Variants in DLGAP1 observed in about 807,000 individuals in gnomAD.
The protein encoded by DLGAP1 is DLG associated protein 1.
DLGAP1 carries 11 observed loss-of-function variants against 90.8 expected under a neutral mutation model. The ratio of observed to expected loss-of-function variants is 0.12; its 90% CI spans 0.08 to 0.20. DLGAP1 has a LOEUF of 0.20. Ranked by LOEUF, DLGAP1 falls within the 10% of genes least tolerant of loss-of-function variation. The probability of loss-of-function intolerance (pLI) is 1.00; values close to 1 mark genes in which losing one functional copy is unlikely to be tolerated. For missense variants in DLGAP1, 1,050 were observed against 1,333.8 expected, an observed-to-expected ratio of 0.79 and a Z score of 3.31; for synonymous variants, 558 against 540.7, an observed-to-expected ratio of 1.03 and a Z score of -0.44.
chr18:4,243,566 T>C (rs894115416), intron 1 of DLGAP1, among the ~76,000 whole-genome samples: 1 of 152,222 alleles, frequency 6.6e-6, no homozygotes, highest in African/African-American at 2.4e-5. Flanking sequence ...GTTAGAGATT[T>C]CAGTAACTAA....
At chr18:3,570,375 T>C (rs2054702059) in intron 8 of DLGAP1, among the ~76,000 whole-genome samples, 1 of 151,154 alleles carries the variant, frequency 6.6e-6, no homozygotes, top group African/African-American at 2.4e-5. Context: ...ACCTCCCGGG[T>C]TCAAGTGATT....
At chr18:4,423,341 G>C (rs2083082894) in intron 1 of DLGAP1, among the ~76,000 whole-genome samples, 1 of 152,134 alleles carries the variant, frequency 6.6e-6, no homozygotes, top group African/African-American at 2.4e-5. Flanking sequence ...ATTAAGGTGA[G>C]AAATGGCACA....
chr18:4,301,391 C>T (rs1305456736), intron 1 of DLGAP1, among the ~76,000 whole-genome samples: 4 of 152,186 alleles, frequency 2.6e-5, no homozygotes, highest in Admixed American at 1.3e-4. Context: ...TAGTATTTGT[C>T]TTCCTGTTTC....
chr18:4,369,536 T>C (rs980323373), intron 1 of DLGAP1, among the ~76,000 whole-genome samples: 16 of 152,126 alleles, frequency 1.1e-4, no homozygotes, highest in Non-Finnish European at 2.9e-5. Context: ...CTAAGGACCT[T>C]GTCTTATTCT....
At chr18:4,082,847 G>A (rs370204641) in intron 2 of DLGAP1, among the ~76,000 whole-genome samples, 1 of 151,922 alleles carries the variant, frequency 6.6e-6, no homozygotes, top group Non-Finnish European at 1.5e-5. Flanking sequence ...TTGACGTGCC[G>A]CTGCTCAGTC....
chr18:4,319,345 C>T (rs1014094211), intron 1 of DLGAP1, among the ~76,000 whole-genome samples: 1 of 152,106 alleles, frequency 6.6e-6, no homozygotes, highest in East Asian at 1.9e-4. Flanking sequence ...AAATTATTTT[C>T]TTCTGTATAT....
intron 1 of DLGAP1, among the ~76,000 whole-genome samples, chr18:4,374,773 C>A (rs776815501): frequency 4.0e-5 from 6 of 151,812 alleles, no homozygotes; most frequent in Non-Finnish European, 5.9e-5. Flanking sequence ...CGTGGTGTGA[C>A]AAATAGTTAA....
intron 1 of DLGAP1, among the ~76,000 whole-genome samples, chr18:4,395,606 T>C (rs1389689359): frequency 6.6e-6 from 1 of 152,174 alleles, no homozygotes; most frequent in Non-Finnish European, 1.5e-5. Context: ...GAAGGAAAGA[T>C]GAAATGGTGT....
intron 1 of DLGAP1, among the ~76,000 whole-genome samples, chr18:4,205,503 CTCTTTT>C (rs2077703317): frequency 1.3e-5 from 2 of 152,180 alleles, no homozygotes; most frequent in East Asian, 3.8e-4. Flanking sequence ...TCTTTCCTTT[CTCTTTT>C]TGAGACAGGG....
At chr18:4,151,993 A>T (rs1389807827) in intron 1 of DLGAP1, among the ~76,000 whole-genome samples, 1 of 152,198 alleles carries the variant, frequency 6.6e-6, no homozygotes, top group Non-Finnish European at 1.5e-5. Flanking sequence ...AATATTAAAA[A>T]AATAGTTTCT....
intron 1 of DLGAP1, among the ~76,000 whole-genome samples, chr18:4,333,723 C>A (rs2081003297): frequency 6.7e-6 from 1 of 150,174 alleles, no homozygotes. Context: ...GGGTTCACAC[C>A]ATTCTCCTGC....
chr18:4,433,173 A>G (rs1020406266), intron 1 of DLGAP1, among the ~76,000 whole-genome samples: 1 of 152,224 alleles, frequency 6.6e-6, no homozygotes, highest in Non-Finnish European at 1.5e-5. Flanking sequence ...CTAGAAGCCT[A>G]TTCCTAATCA....
At chr18:3,992,533 C>A (rs1188621055) in intron 3 of DLGAP1, among the ~76,000 whole-genome samples, 1 of 152,174 alleles carries the variant, frequency 6.6e-6, no homozygotes, top group Non-Finnish European at 1.5e-5. Flanking sequence ...CAAAAATTAG[C>A]CAGGTGTGGT....
intron 1 of DLGAP1, among the ~76,000 whole-genome samples, chr18:4,396,256 A>G (rs2082437475): frequency 6.6e-6 from 1 of 152,152 alleles, no homozygotes; most frequent in African/African-American, 2.4e-5. Flanking sequence ...TTCAACAAAG[A>G]CACAAAGACC....
At chr18:4,437,858 T>C (rs540414734) in intron 1 of DLGAP1, among the ~76,000 whole-genome samples, 2 of 152,254 alleles carry the variant, frequency 1.3e-5, no homozygotes, top group African/African-American at 2.4e-5. Context: ...TAAAGACAAA[T>C]AGTAATTAAC....
At chr18:4,350,448 T>C (rs924008632) in intron 1 of DLGAP1, among the ~76,000 whole-genome samples, 3 of 152,198 alleles carry the variant, frequency 2.0e-5, no homozygotes, top group Admixed American at 2.0e-4. Flanking sequence ...TCAATTTTCC[T>C]CAACACTAAA....
At chr18:3,866,196 C>T (rs148298554) in intron 4 of DLGAP1, among the ~76,000 whole-genome samples, 1 of 152,250 alleles carries the variant, frequency 6.6e-6, no homozygotes, top group East Asian at 1.9e-4. Context: ...AAGGGCAGGG[C>T]ACCAGGGCTG....
intron 1 of DLGAP1, among the ~76,000 whole-genome samples, chr18:4,246,148 C>T (rs567591655): frequency 5.9e-4 from 90 of 152,084 alleles, no homozygotes; most frequent in Non-Finnish European, 1.2e-3. Flanking sequence ...TGTATGATAT[C>T]CCCCAGTAGG....
At chr18:3,590,014 A>G (rs1321868606) in intron 7 of DLGAP1, among the ~76,000 whole-genome samples, 1 of 152,108 alleles carries the variant, frequency 6.6e-6, no homozygotes, top group Non-Finnish European at 1.5e-5. Flanking sequence ...AGGTTCAAGC[A>G]ATTCTCCTGC....
Sources: gnomAD v4.1 joint callset for allele counts (sites outside exome capture counted in the v4.1 genomes callset) on GRCh38, gnomAD v4.1.1 for gene constraint, MANE v1.5 for transcripts, NCBI Gene and HGNC (gene_info 2026-07-23, HGNC 2026-07-21) for gene names.